The following CACNA2D3 variants were observed in gnomAD, a reference collection of about 807,000 sequenced individuals.
CACNA2D3 encodes the protein calcium voltage-gated channel auxiliary subunit alpha2delta 3, also known as voltage-dependent calcium channel subunit alpha-2/delta-3.
Under a neutral mutation model 160.6 loss-of-function variants are expected in CACNA2D3, and 60 were observed. The ratio of observed to expected loss-of-function variants is 0.37; its 90% CI spans 0.30 to 0.46. CACNA2D3 has a LOEUF of 0.46. Ranked by LOEUF, CACNA2D3 falls within the 20% of genes least tolerant of loss-of-function variation. CACNA2D3 has a pLI of 1.00. For synonymous variants in CACNA2D3, 558 were observed against 492.9 expected, an observed-to-expected ratio of 1.13 and a Z score of -1.75; for missense variants, 1,205 against 1,365.0, an observed-to-expected ratio of 0.88 and a Z score of 1.85.
At chr3:54,577,538 C>A (rs1056199311) in intron 8 of CACNA2D3, among the ~76,000 whole-genome samples, 2 of 152,236 alleles carry the variant, frequency 1.3e-5, no homozygotes, top group African/African-American at 2.4e-5. Flanking sequence ...TCACTGACAT[C>A]ACCCTCTTCC....
At chr3:54,430,056 A>G (rs1699966636) in intron 4 of CACNA2D3, among the ~76,000 whole-genome samples, 1 of 152,214 alleles carries the variant, frequency 6.6e-6, no homozygotes, top group African/African-American at 2.4e-5. Context: ...GCATCAAAAC[A>G]CAAAACACTT....
intron 11 of CACNA2D3, among the ~76,000 whole-genome samples, chr3:54,740,333 A>G (rs1451065631): frequency 6.6e-6 from 1 of 152,172 alleles, no homozygotes; most frequent in Non-Finnish European, 1.5e-5. Context: ...CAAAAAGAAG[A>G]TAATGGTTGC....
At chr3:54,882,207 T>G (rs1384021702) in intron 21 of CACNA2D3, among the ~76,000 whole-genome samples, 2 of 152,206 alleles carry the variant, frequency 1.3e-5, no homozygotes, top group African/African-American at 4.8e-5. Context: ...TCTGTGGACA[T>G]CACTGCCCAT....
intron 25 of CACNA2D3, chr3:54,894,722 A>G (rs1700146561): frequency 4.3e-6 from 2 of 470,456 alleles, no homozygotes; most frequent in African/African-American, 2.0e-5. Flanking sequence ...TCCTCCTCAC[A>G]CCGTCCAGGT....
chr3:54,544,302 C>T (rs1702027473), intron 5 of CACNA2D3, among the ~76,000 whole-genome samples: 1 of 151,726 alleles, frequency 6.6e-6, no homozygotes, highest in Non-Finnish European at 1.5e-5. Flanking sequence ...TGGTGGGTTA[C>T]TGTTTTGAAA....
intron 13 of CACNA2D3, among the ~76,000 whole-genome samples, chr3:54,785,829 T>A (rs1054371037): frequency 3.3e-5 from 5 of 152,296 alleles, no homozygotes; most frequent in Middle Eastern, 3.4e-3. Context: ...GTCCTATTGA[T>A]TCCACTCTCA....
At chr3:54,610,533 A>T (rs546909246) in intron 9 of CACNA2D3, among the ~76,000 whole-genome samples, 1 of 152,160 alleles carries the variant, frequency 6.6e-6, no homozygotes, top group South Asian at 2.1e-4. Flanking sequence ...TTTGTTTGAA[A>T]ACTGAAGCAT....
At chr3:54,759,290 A>G (rs991657610) in intron 12 of CACNA2D3, among the ~76,000 whole-genome samples, 3 of 152,332 alleles carry the variant, frequency 2.0e-5, no homozygotes, top group South Asian at 4.2e-4. Flanking sequence ...ATTAAAAAAG[A>G]GAATAAACAT....
At position 55,007,713 on chromosome 3, in the gene CACNA2D3, T is replaced by G. The variant is rs1034530433; in HGVS notation, c.2767-77T>G. The G allele has an allele frequency of 1.0e-5, 9 of 866,786 alleles. No homozygotes were observed. The African/African-American group carries it at 1.6e-4, about 15-fold the overall frequency. 53.7% of individuals were successfully genotyped at this position (866,786 alleles called of 1,614,324 possible). A position where few individuals can be genotyped will look rare whatever the true frequency, so the allele number is the denominator to read the frequency against. On this transcript the variant is annotated intron_variant, in intron 32 of 37. Transcript: ENST00000474759. ...TCTCTCTAGAAGAATAACATTGTCC[T>G]TATGTAAAGCCCTAAATTAAGCTAC...
rs35251785 is a variant in CACNA2D3, at chr3:54,216,134, C to CGTGTGT, written c.204+92555_204+92560dup. Among the ~76,000 whole-genome samples the CGTGTGT allele has an allele frequency of 4.0e-3, 591 of 149,482 alleles. 2 individuals are homozygous for CGTGTGT. Among genetic ancestry groups the CGTGTGT allele is most frequent in the African/African-American group, 0.011 (463 of 40,800 alleles). ...ACACTACCCTGCAATTTTAGTTGTACGTGTGTGTGTGTGTGTGTGTATGGT... is the reference window on the plus strand; with the variant it reads ...ACACTACCCTGCAATTTTAGTTGTACGTGTGTGTGTGTGTGTGTGTGTGTGTATGGT... On this transcript the variant is annotated intron_variant, in intron 2 of 37. Coordinates refer to ENST00000474759, the MANE Select transcript of CACNA2D3 (RefSeq NM_018398.3).
intron 35 of CACNA2D3, among the ~76,000 whole-genome samples, chr3:55,027,677 A>G (rs532376782): frequency 2.6e-5 from 4 of 152,298 alleles, no homozygotes; most frequent in African/African-American, 9.6e-5. Flanking sequence ...AAATAACACA[A>G]TTCTGCAGCG....
At chr3:54,245,355 G>C (rs1202104097) in intron 2 of CACNA2D3, among the ~76,000 whole-genome samples, 1 of 151,958 alleles carries the variant, frequency 6.6e-6, no homozygotes, top group Non-Finnish European at 1.5e-5. Flanking sequence ...GAGAGTGCGA[G>C]AGAATGAGAA....
At chr3:54,243,156 C>T (rs1393225354) in intron 2 of CACNA2D3, among the ~76,000 whole-genome samples, 1 of 152,182 alleles carries the variant, frequency 6.6e-6, no homozygotes, top group East Asian at 1.9e-4. Context: ...CTCCAGCTCC[C>T]CTGTGCATTT....
chr3:55,021,465 T>C (rs112486478), intron 35 of CACNA2D3, among the ~76,000 whole-genome samples: 10 of 151,644 alleles, frequency 6.6e-5, no homozygotes, highest in African/African-American at 2.4e-4. Flanking sequence ...GATTCTTGAG[T>C]TTACATTGTT....
At chr3:55,062,432 T>C (rs762800107) in intron 35 of CACNA2D3, among the ~76,000 whole-genome samples, 4 of 152,082 alleles carry the variant, frequency 2.6e-5, no homozygotes, top group African/African-American at 4.8e-5. Context: ...TCATTTTCCA[T>C]TGTTATTCAA....
chr3:54,949,208 G>T (rs987442327), intron 27 of CACNA2D3, among the ~76,000 whole-genome samples: 1 of 152,134 alleles, frequency 6.6e-6, no homozygotes, highest in Non-Finnish European at 1.5e-5. Context: ...CTATCACTTT[G>T]GCACAGGAGC....
rs1242088540 is a variant in CACNA2D3 at position 54,618,412 on chromosome 3, C to CACAG, written c.964-9374_964-9373insCAGA. On this transcript the variant is annotated intron_variant, in intron 9 of 37. Transcript: ENST00000474759. ...ACACACACACACACACACACACACA[C>CACAG]AGTGCCTTACAGGGTATTTGTTTAT... 4.1e-5 allele frequency among the ~76,000 whole-genome samples: 6 copies of CACAG among 146,122 alleles called. No homozygotes were observed. The South Asian group carries it at 1.1e-3, about 27-fold the overall frequency.
chr3:54,562,367 G>A (rs1239720029), intron 5 of CACNA2D3, among the ~76,000 whole-genome samples: 1 of 152,142 alleles, frequency 6.6e-6, no homozygotes, highest in Non-Finnish European at 1.5e-5. Flanking sequence ...ATGGAATAGG[G>A]CTGTGTTGGT....
intron 27 of CACNA2D3, among the ~76,000 whole-genome samples, chr3:54,950,480 T>C (rs1454665043): frequency 6.6e-6 from 1 of 152,206 alleles, no homozygotes; most frequent in African/African-American, 2.4e-5. Context: ...GGCAGCGATA[T>C]AATGCTGACA....
Sources: allele counts gnomAD v4.1 joint callset (sites outside exome capture counted in the v4.1 genomes callset), GRCh38; gene constraint gnomAD v4.1.1; transcripts MANE v1.5; gene names NCBI Gene and HGNC (gene_info 2026-07-23, HGNC 2026-07-21).